PDE6B: variants seen among roughly 807,000 people sequenced by gnomAD.
The protein encoded by PDE6B is phosphodiesterase 6B.
In PDE6B, 106 loss-of-function variants were observed where a neutral mutation model predicts 109.0. The ratio of observed to expected loss-of-function variants is 0.97; its 90% CI spans 0.83 to 1.14. PDE6B has a LOEUF of 1.14. Ranked by LOEUF, PDE6B falls within the 50% of genes most tolerant of loss-of-function variation. The probability of loss-of-function intolerance (pLI) is 0.00; values close to 1 mark genes in which losing one functional copy is unlikely to be tolerated. For synonymous variants in PDE6B, 490 were observed against 471.3 expected, an observed-to-expected ratio of 1.04 and a Z score of -0.51; for missense variants, 1,193 against 1,155.6, an observed-to-expected ratio of 1.03 and a Z score of -0.47.
At chr4:630,922 A>G (rs1213655442) in intron 1 of PDE6B, among the ~76,000 whole-genome samples, 1 of 152,226 alleles carries the variant, frequency 6.6e-6, no homozygotes. Flanking sequence ...CCAGTGGTGA[A>G]GGAGAGAAGC....
chr4:664,858 T>C, intron 17 of PDE6B, 23 bp from the exon 18 acceptor site: 1 of 1,606,594 alleles, frequency 6.2e-7, no homozygotes, highest in Non-Finnish European at 8.5e-7. Flanking sequence ...CCATCAGCAC[T>C]CGTGCCCGGT....
In PDE6B at chr4:670,683, A is replaced by T. The variant is rs1204738974; in HGVS notation, c.*576A>T. 1 of 167,276 alleles carries T rather than the reference A, an allele frequency of 6.0e-6. No individual in the cohort carries two copies. Among genetic ancestry groups the T allele is most frequent in the Non-Finnish European group, 1.3e-5 (1 of 76,148 alleles). The allele number at this position is 167,276 out of a possible 1,614,324, so 10.4% of individuals were successfully genotyped here. ...AGAACATTTGCAGCCACACATGTAC[A>T]TATGTGTACACAGGTAGACAGATGG... On this transcript the variant is annotated 3_prime_UTR_variant, in exon 22 of 22. Transcript: ENST00000496514.
intron 11 of PDE6B, among the ~76,000 whole-genome samples, chr4:659,512 C>T (rs1430465937): frequency 6.7e-6 from 1 of 149,098 alleles, no homozygotes; most frequent in East Asian, 2.0e-4. Flanking sequence ...CGTGTGTGTG[C>T]ATGTAGGTGT....
intron 3 of PDE6B, among the ~76,000 whole-genome samples, chr4:646,978 C>A (rs10011154): frequency 3.3e-5 from 5 of 151,662 alleles, no homozygotes; most frequent in Admixed American, 2.0e-4. Context: ...CTGCCTCAGC[C>A]TCCTGAGTAG....
rs1379957143 is a variant in PDE6B, at chr4:626,356, G to A, written c.468+262G>A. ...AGACCTGAGTCTAGGAGCCTCGGCT[G>A]AAGCAGACTCAGGCTCAAACCGGGG... On this transcript the variant is annotated intron_variant, in intron 1 of 21. Coordinates refer to ENST00000496514, the MANE Select transcript of PDE6B (RefSeq NM_000283.4). The surrounding 1 kb of genome is among the most constrained non-coding windows in gnomAD (Gnocchi z 4.6). Among the ~76,000 whole-genome samples the A allele has an allele frequency of 6.6e-6, 1 of 152,234 alleles. No individual in the cohort carries two copies. Among genetic ancestry groups the A allele is most frequent in the Non-Finnish European group, 1.5e-5 (1 of 68,052 alleles).
rs1397730809 is a variant in PDE6B at position 633,271 on chromosome 4, C to T, written c.469-1406C>T. Among the ~76,000 whole-genome samples, 2 of 152,192 alleles carry T rather than the reference C, an allele frequency of 1.3e-5. No individual in the cohort carries two copies. The highest frequency in any genetic ancestry group is 6.5e-5 in the Admixed American group (1 of 15,274). On this transcript the variant is annotated intron_variant, in intron 1 of 21. Coordinates refer to ENST00000496514, the MANE Select transcript of PDE6B (RefSeq NM_000283.4). The surrounding 1 kb of genome is among the most constrained non-coding windows in gnomAD (Gnocchi z 4.5). ...ATCCAATAAAGGGATGCTGGCTCCA[C>T]TGCCCACGCTGCCACCCCTGCCAGG...
chr4:656,810 G>C, intron 8 of PDE6B, 64 bp from the exon 9 acceptor site: 1 of 1,543,690 alleles, frequency 6.5e-7, no homozygotes, highest in East Asian at 2.2e-5. Context: ...CACTCTCCCC[G>C]GCCACACGCC....
At position 635,915 on chromosome 4, in the gene PDE6B, C is replaced by T; in HGVS notation, c.657C>T (p.Tyr219=). 6.2e-7 allele frequency: 1 copy of T among 1,606,906 alleles called. No homozygotes were observed. Among genetic ancestry groups the T allele is most frequent in the Non-Finnish European group, 8.5e-7 (1 of 1,173,408 alleles). ...AGTACCTGAATTTTGCCACGTTGTA[C>T]CTGAAGATCTATCACCTGAGCTACC... ...FLKYLNFATL[Y]LKIYHLSYLH... The change falls in exon 3 of 22, where the codon TAC becomes TAT. Residue 219 remains tyrosine (Y), a synonymous_variant. Transcript: ENST00000496514.
chr4:629,963 A>C (rs541486485), intron 1 of PDE6B, among the ~76,000 whole-genome samples: 2 of 152,256 alleles, frequency 1.3e-5, no homozygotes, highest in Admixed American at 1.3e-4. Flanking sequence ...ACCTGCTCCC[A>C]GACAAGGCTC....
chr4:635,823 G>A (rs1734650568), intron 2 of PDE6B, 57 bp from the exon 3 acceptor site: 1 of 914,782 alleles, frequency 1.1e-6, no homozygotes, highest in Non-Finnish European at 1.8e-6. Flanking sequence ...AATACCCACG[G>A]GGGCACATGT....
intron 5 of PDE6B, 152 bp from the exon 6 acceptor site, chr4:654,672 G>A: frequency 1.3e-6 from 1 of 758,118 alleles, no homozygotes; most frequent in Non-Finnish European, 2.5e-6. Flanking sequence ...GCACGGCGGA[G>A]ACATCTGTTC....
intron 9 of PDE6B, 90 bp from the exon 10 acceptor site, chr4:657,261 G>A: frequency 6.7e-7 from 1 of 1,484,186 alleles, no homozygotes; most frequent in Non-Finnish European, 9.3e-7. Context: ...CCCAGGACCT[G>A]CCCGCCGAGC....
In PDE6B at chr4:664,255, T is replaced by A. The variant is rs762561093; in HGVS notation, c.2129+34T>A. On this transcript the variant is annotated intron_variant, in intron 17 of 21. Transcript: ENST00000496514. ...GGGCGGAGGGGGCACGAGGGGTCCT[T>A]CCCTCGCAGGGACCGGGCCCACTCA... The A allele has an allele frequency of 1.0e-5, 12 of 1,175,182 alleles. No individual in the cohort carries two copies. The African/African-American group carries it at 1.8e-4, about 18-fold the overall frequency. 72.8% of individuals were successfully genotyped at this position (1,175,182 alleles called of 1,614,324 possible). A position where few individuals can be genotyped will look rare whatever the true frequency, so the allele number is the denominator to read the frequency against.
intron 10 of PDE6B, among the ~76,000 whole-genome samples, chr4:658,216 G>A (rs1324676435): frequency 7.2e-6 from 1 of 139,146 alleles, no homozygotes; most frequent in Admixed American, 7.1e-5. Context: ...TGTGGCGGGG[G>A]CAGGTCACCC....
chr4:660,259 C>G (rs1469113337), intron 11 of PDE6B, among the ~76,000 whole-genome samples: 1 of 152,188 alleles, frequency 6.6e-6, no homozygotes, highest in Non-Finnish European at 1.5e-5. Flanking sequence ...CACTGTTGGG[C>G]CACAGGGTAC....
chr4:660,599 C>A lies in PDE6B; in HGVS notation c.1600C>A (p.Gln534Lys). Residue 534 changes from glutamine (Q) to lysine (K), a missense_variant, in exon 12 of 22, where the codon CAG becomes AAG. Coordinates refer to ENST00000496514, the MANE Select transcript of PDE6B (RefSeq NM_000283.4). ...CGAGCTGGGCGTGGTCCGAAAGTTCCAGATCCCCCAGGAGGTGGGAGACAC... is the reference window on the plus strand; with the variant it reads ...CGAGCTGGGCGTGGTCCGAAAGTTCAAGATCCCCCAGGAGGTGGGAGACAC... ...YYELGVVRKFQIPQEVLVRFL... is the reference protein window; with the variant it reads ...YYELGVVRKFKIPQEVLVRFL... The A allele has an allele frequency of 6.2e-7, 1 of 1,613,700 alleles. No homozygotes were observed. The highest frequency in any genetic ancestry group is 2.2e-5 in the East Asian group (1 of 44,866).
intron 9 of PDE6B, 123 bp from the exon 10 acceptor site, chr4:657,228 C>G (rs907402128): frequency 8.1e-7 from 1 of 1,234,728 alleles, no homozygotes; most frequent in Non-Finnish European, 1.2e-6. Flanking sequence ...CACACAGAAG[C>G]ACTGCGACAC....
At position 664,177 on chromosome 4, in the gene PDE6B, G is replaced by A. The variant is rs1241719893; in HGVS notation, c.2085G>A (p.Trp695Ter). Reference sequence around the variant, plus strand: ...AGAACTACCAGGACAAGAAGAGCTGGGTGGAGTACCTGTCCCTGGAGACGA... The same window carrying A: ...AGAACTACCAGGACAAGAAGAGCTGAGTGGAGTACCTGTCCCTGGAGACGA... ...ESKNYQDKKS[W>*]VEYLSLETTR... is the part of the protein sequence containing the mutation. The change falls in exon 17 of 22, where the codon TGG becomes TGA. Residue 695 changes from tryptophan (W) to a stop codon, truncating the protein, a stop_gained. Transcript: ENST00000496514. LOFTEE classifies it high-confidence loss of function. The A allele has an allele frequency of 3.1e-6, 5 of 1,612,152 alleles. No individual in the cohort carries two copies. The highest frequency in any genetic ancestry group is 2.2e-5 in the East Asian group (1 of 44,864).
intron 3 of PDE6B, among the ~76,000 whole-genome samples, chr4:650,123 G>A (rs1032807503): frequency 1.3e-5 from 2 of 152,180 alleles, no homozygotes; most frequent in South Asian, 4.1e-4. Flanking sequence ...GTGCTGGGAC[G>A]CTGGGCACGG....
Sources: allele counts gnomAD v4.1 joint callset (sites outside exome capture counted in the v4.1 genomes callset), GRCh38; gene constraint gnomAD v4.1.1; non-coding constraint Gnocchi (gnomAD v3.1); transcripts MANE v1.5; gene names NCBI Gene and HGNC (gene_info 2026-07-23, HGNC 2026-07-21).